The following CNIH3 variants were observed in gnomAD, a reference collection of about 807,000 sequenced individuals.
The protein encoded by CNIH3 is protein cornichon homolog 3.
Under a neutral mutation model 24.1 loss-of-function variants are expected in CNIH3, and 14 were observed. That is an observed-to-expected ratio of 0.58 (90% CI 0.38 to 0.91). The LOEUF (loss-of-function observed/expected upper bound fraction) is 0.91, where lower values mean the gene tolerates loss of function less well. Ranked by LOEUF, CNIH3 falls within the 40% of genes least tolerant of loss-of-function variation. CNIH3 has a pLI of 0.00. For synonymous variants in CNIH3, 68 were observed against 73.8 expected (o/e 0.92, Z 0.40); for missense variants, 178 against 196.8 (o/e 0.90, Z 0.57).
At chr1:224,435,256 C>T (rs922230159) in intron 1 of CNIH3, 4 of 970,284 alleles carry the variant, frequency 4.1e-6, no homozygotes, top group South Asian at 4.8e-5. Flanking sequence ...TGTGGTAGGC[C>T]CCTCTCAATG....
intron 1 of CNIH3, among the ~76,000 whole-genome samples, chr1:224,643,622 G>A (rs538896914): frequency 6.6e-6 from 1 of 152,140 alleles, no homozygotes; most frequent in East Asian, 1.9e-4. Context: ...TGGGATCCTC[G>A]TCACACAGCC....
chr1:224,720,005 C>T (rs1432872052), intron 3 of CNIH3, among the ~76,000 whole-genome samples: 3 of 152,180 alleles, frequency 2.0e-5, no homozygotes, highest in Admixed American at 1.3e-4. Flanking sequence ...TGTGTCCATT[C>T]GTCTTGTTCT....
intron 1 of CNIH3, among the ~76,000 whole-genome samples, chr1:224,492,774 A>G (rs2124849820): frequency 6.6e-6 from 1 of 152,312 alleles, no homozygotes; most frequent in East Asian, 1.9e-4. Flanking sequence ...TGTGGTAATA[A>G]CATCAGCTCC....
At chr1:224,713,377 A>G (rs1688260504) in intron 3 of CNIH3, among the ~76,000 whole-genome samples, 1 of 152,142 alleles carries the variant, frequency 6.6e-6, no homozygotes, top group African/African-American at 2.4e-5. Context: ...CCTTGCTTTG[A>G]TGATTCAGTG....
intron 3 of CNIH3, among the ~76,000 whole-genome samples, chr1:224,698,712 C>T (rs1687310918): frequency 6.6e-6 from 1 of 152,176 alleles, no homozygotes; most frequent in African/African-American, 2.4e-5. Flanking sequence ...AGGTGGAATT[C>T]AGAAGGTATA....
At chr1:224,647,037 G>C (rs1020467414) in intron 1 of CNIH3, among the ~76,000 whole-genome samples, 1 of 152,050 alleles carries the variant, frequency 6.6e-6, no homozygotes, top group Non-Finnish European at 1.5e-5. Flanking sequence ...TGCAAGCCAG[G>C]GCGCAGTGGT....
At position 224,711,332 on chromosome 1, in the gene CNIH3, T is replaced by TG. The variant is rs1688132649; in HGVS notation, c.199-19130_199-19129insG. 2.0e-5 allele frequency among the ~76,000 whole-genome samples: 3 copies of TG among 152,086 alleles called. No individual in the cohort carries two copies. The South Asian group carries it at 6.2e-4, about 32-fold the overall frequency. ...TCTTTCTCTCTCTCTCTCTTTTTTT[T>TG]TTTTGGAGACAGGGTTTTTGTTCTG... On this transcript the variant is annotated intron_variant, in intron 3 of 5. Coordinates refer to ENST00000272133, the MANE Select transcript of CNIH3 (RefSeq NM_152495.2).
At chr1:224,661,807 G>T in intron 1 of CNIH3, 1 of 214,906 alleles carries the variant, frequency 4.7e-6, no homozygotes, top group Admixed American at 5.4e-5. Flanking sequence ...CCACTTCAGT[G>T]CCAGTTTCTG....
intron 5 of CNIH3, among the ~76,000 whole-genome samples, chr1:224,735,673 TA>T (rs1237347854): frequency 6.6e-6 from 1 of 152,206 alleles, no homozygotes; most frequent in Non-Finnish European, 1.5e-5. Flanking sequence ...AATTTTTATT[TA>T]AAGATGGGGT....
rs192622296 is a variant in CNIH3, at chr1:224,687,058, G to T, written c.198+2215G>T. 2.3e-4 allele frequency among the ~76,000 whole-genome samples: 35 copies of T among 152,246 alleles called. 2 individuals are homozygous for T. In the Middle Eastern group the frequency reaches 0.02, roughly 89 times the overall value. ...GCTACTCATCGTCGTGGAAAATACC[G>T]GGGAGAAAAGGTAGGCATCAGAGGA... is the stretch of plus-strand genomic sequence containing the variant. On this transcript the variant is annotated intron_variant, in intron 3 of 5. Transcript: ENST00000272133.
At chr1:224,538,202 G>A (rs553292397), downstream of CNIH3, among the ~76,000 whole-genome samples, 13 of 152,220 alleles carry the variant, frequency 8.5e-5, no homozygotes, top group African/African-American at 2.9e-4. Flanking sequence ...ATCCGCATCA[G>A]CCTCCCAAAG....
chr1:224,723,057 G>C (rs1449990568), intron 3 of CNIH3, among the ~76,000 whole-genome samples: 1 of 152,248 alleles, frequency 6.6e-6, no homozygotes, highest in Admixed American at 6.5e-5. Context: ...CAAGGGAAAT[G>C]ACGGTGGGGC....
chr1:224,528,639 G>A (rs1678938944), intron 2 of CNIH3, among the ~76,000 whole-genome samples: 1 of 152,144 alleles, frequency 6.6e-6, no homozygotes, highest in Non-Finnish European at 1.5e-5. Context: ...GCTAATAGTA[G>A]TTAACATTTA....
Position 224,569,093 on chromosome 1 carries a change from C to G in CNIH3, n.516+2829C>G, listed in dbSNP as rs56901895. On this transcript the variant is annotated intron_variant and non_coding_transcript_variant, in intron 4 of 5. Transcript: ENST00000471578. Reference sequence around the variant, plus strand: ...ATGTTGGTCAGGCTGGTCTCGAACTCCCAACCTCAGGTGATCTGCCCGTCT... The same window carrying G: ...ATGTTGGTCAGGCTGGTCTCGAACTGCCAACCTCAGGTGATCTGCCCGTCT... Among the ~76,000 whole-genome samples, 8 of 152,314 alleles carry G rather than the reference C, an allele frequency of 5.3e-5. No homozygotes were observed. In the East Asian group the frequency reaches 1.5e-3, roughly 29 times the overall value.
intron 2 of CNIH3, among the ~76,000 whole-genome samples, chr1:224,530,123 G>C (rs1049691757): frequency 6.6e-6 from 1 of 152,234 alleles, no homozygotes; most frequent in Non-Finnish European, 1.5e-5. Context: ...CCTGGGCAAA[G>C]CTTCACCAAA....
At chr1:224,517,701 C>T (rs1424112480) in intron 1 of CNIH3, among the ~76,000 whole-genome samples, 1 of 150,094 alleles carries the variant, frequency 6.7e-6, no homozygotes, top group South Asian at 2.2e-4. Flanking sequence ...TAGCTTAACT[C>T]CCACCTGTGA....
At chr1:224,531,843 A>G (rs1352350766) in intron 2 of CNIH3, among the ~76,000 whole-genome samples, 1 of 152,206 alleles carries the variant, frequency 6.6e-6, no homozygotes, top group Non-Finnish European at 1.5e-5. Context: ...CACAAATAAA[A>G]CAAACGAAGT....
chr1:224,601,515 G>T (rs142384843), intron 3 of CNIH3, among the ~76,000 whole-genome samples: 1 of 151,630 alleles, frequency 6.6e-6, no homozygotes, highest in Admixed American at 6.6e-5. Flanking sequence ...TTTCCCTGGC[G>T]CTGGCTGTGA....
At chr1:224,494,548 C>A (rs1393868604) in intron 1 of CNIH3, among the ~76,000 whole-genome samples, 1 of 152,192 alleles carries the variant, frequency 6.6e-6, no homozygotes, top group African/African-American at 2.4e-5. Flanking sequence ...AGTTCACATT[C>A]CTGCCAAATC....
Sources: allele counts gnomAD v4.1 joint callset (sites outside exome capture counted in the v4.1 genomes callset), GRCh38; gene constraint gnomAD v4.1.1; transcripts MANE v1.5; gene names NCBI Gene and HGNC (gene_info 2026-07-23, HGNC 2026-07-21).